RAC2: variants seen among roughly 807,000 people sequenced by gnomAD.
RAC2 encodes the protein Rac family small GTPase 2, also known as ras-related C3 botulinum toxin substrate 2.
A neutral mutation model predicts 24.0 loss-of-function variants in RAC2; 1 was observed. The observed-to-expected ratio is 0.04, with a 90% CI of 0.01 to 0.20. RAC2 has a LOEUF of 0.20. Among genes scored for constraint, RAC2 ranks in the 10% least tolerant of loss-of-function variants. RAC2 has a pLI of 1.00. For synonymous variants in RAC2, 114 were observed against 106.8 expected (o/e 1.07, Z -0.41); for missense variants, 130 against 259.1 (o/e 0.50, Z 3.42).
At chr22:37,237,754 G>C (rs1024156449) in intron 2 of RAC2, among the ~76,000 whole-genome samples, 8 of 152,156 alleles carry the variant, frequency 5.3e-5, no homozygotes, top group African/African-American at 1.9e-4. Context: ...ACAGGAATGG[G>C]CTCAGCTCTG....
chr22:37,240,269 C>T (rs564843622), intron 2 of RAC2, among the ~76,000 whole-genome samples: 7 of 152,330 alleles, frequency 4.6e-5, no homozygotes, highest in Non-Finnish European at 7.3e-5. Context: ...TGATCCCTGC[C>T]CCTGAAAGGG....
At chr22:37,242,804 G>A (rs1423160817) in intron 1 of RAC2, among the ~76,000 whole-genome samples, 1 of 152,238 alleles carries the variant, frequency 6.6e-6, no homozygotes, top group Non-Finnish European at 1.5e-5. Flanking sequence ...ATGGGTCACA[G>A]CCAAAGTCGG....
chr22:37,231,031 A>T lies in RAC2; in HGVS notation c.448+200T>A, dbSNP rs1345939022. ...ACCACCCCAGGAGGCAGGAGCTATC[A>T]CTATCCCATGCTTTTCTGATAAGGA... On this transcript the variant is annotated intron_variant, in intron 5 of 6. Transcript: ENST00000249071. This position sits in a 1 kb window ranked among gnomAD's most constrained non-coding sequence, Gnocchi z 5.5. Among the ~76,000 whole-genome samples, 1 of 152,166 alleles carries T rather than the reference A, an allele frequency of 6.6e-6. No homozygotes were observed. Among genetic ancestry groups the T allele is most frequent in the Non-Finnish European group, 1.5e-5 (1 of 68,030 alleles).
intron 5 of RAC2, among the ~76,000 whole-genome samples, chr22:37,228,705 C>T (rs538102675): frequency 7.2e-5 from 11 of 152,228 alleles, no homozygotes; most frequent in South Asian, 6.2e-4. Context: ...AGCCAAGGCC[C>T]GAAGGCACAG....
chr22:37,226,409 G>T (rs1926837196), intron 6 of RAC2, among the ~76,000 whole-genome samples: 1 of 152,034 alleles, frequency 6.6e-6, no homozygotes, highest in South Asian at 2.1e-4. Context: ...GCAGAGTGGG[G>T]CTCCGTGACA....
intron 6 of RAC2, among the ~76,000 whole-genome samples, chr22:37,226,261 C>G (rs1449204395): frequency 6.6e-6 from 1 of 152,002 alleles, no homozygotes; most frequent in Non-Finnish European, 1.5e-5. Context: ...ACTGACCCCA[C>G]CATCTGCCCC....
intron 2 of RAC2, among the ~76,000 whole-genome samples, chr22:37,239,723 C>CCAAGA (rs2145829951): frequency 6.6e-6 from 1 of 152,264 alleles, no homozygotes; most frequent in South Asian, 2.1e-4. Flanking sequence ...TTCAACTCAG[C>CCAAGA]CAAGATGCAC....
intron 6 of RAC2, 74 bp downstream of exon 6, chr22:37,226,597 A>G: frequency 1.3e-6 from 2 of 1,578,964 alleles, no homozygotes; most frequent in Non-Finnish European, 1.7e-6. Flanking sequence ...TGCCACTCAC[A>G]GTGAACCAAA....
Position 37,231,729 on chromosome 22 carries a change from A to C in RAC2, c.288+203T>G, listed in dbSNP as rs971740216. Among the ~76,000 whole-genome samples the C allele has an allele frequency of 2.0e-5, 3 of 151,940 alleles. No homozygotes were observed. The highest frequency in any genetic ancestry group is 7.3e-5 in the African/African-American group (3 of 41,352). On this transcript the variant is annotated intron_variant, in intron 4 of 6. Transcript: ENST00000249071. The surrounding 1 kb of genome is among the most constrained non-coding windows in gnomAD (Gnocchi z 5.5). ...ATGCAGCCATGGAAAGTGGGGGTAT[A>C]GCTAACTATCGCAGCACCCCCCACC... is the stretch of plus-strand genomic sequence containing the variant.
intron 3 of RAC2, 150 bp from the exon 4 acceptor site, chr22:37,232,144 C>A: frequency 2.6e-6 from 2 of 783,534 alleles, no homozygotes; most frequent in Non-Finnish European, 4.2e-6. Context: ...CAGAGATACC[C>A]TTCTCGCCTC....
chr22:37,236,284 A>G (rs184740207), intron 2 of RAC2, among the ~76,000 whole-genome samples: 3 of 152,326 alleles, frequency 2.0e-5, no homozygotes, highest in Non-Finnish European at 4.4e-5. Context: ...TCCCCAGAGG[A>G]CCAGAGGGAC....
chr22:37,241,702 C>T, intron 1 of RAC2, 44 bp from the exon 2 acceptor site: 2 of 1,561,306 alleles, frequency 1.3e-6, no homozygotes, highest in Non-Finnish European at 1.8e-6. Context: ...ATGGGCTCTG[C>T]CGGAGACGTG....
rs1926821092 is a variant in RAC2 at position 37,225,955 on chromosome 22, A to G, written c.*87T>C. ...CTAAGAAACGCCACAGGGAGGGGAC[A>G]GCATGGCCAGCCGGGGTGCCATCAG... On this transcript the variant is annotated 3_prime_UTR_variant, in exon 7 of 7. Transcript: ENST00000249071. 6.5e-6 allele frequency: 1 copy of G among 153,350 alleles called. No individual in the cohort carries two copies. The highest frequency in any genetic ancestry group is 1.5e-5 in the Non-Finnish European group (1 of 68,904). The allele number at this position is 153,350 out of a possible 1,614,324, so 9.5% of individuals were successfully genotyped here.
Position 37,231,446 on chromosome 22 carries a change from C to A in RAC2, c.289-56G>T. On this transcript the variant is annotated intron_variant, in intron 4 of 6. Coordinates refer to ENST00000249071, the MANE Select transcript of RAC2 (RefSeq NM_002872.5). This position sits in a 1 kb window ranked among gnomAD's most constrained non-coding sequence, Gnocchi z 5.5. ...GTATGGGTCAAGAGGGGGCGCGAGG[C>A]TGTGCGGGGATCAGAGGGAGTGTGA... The A allele has an allele frequency of 6.4e-7, 1 of 1,551,454 alleles. No individual in the cohort carries two copies. The highest frequency in any genetic ancestry group is 8.9e-7 in the Non-Finnish European group (1 of 1,127,592).
intron 2 of RAC2, 59 bp downstream of exon 2, chr22:37,241,527 GT>G: frequency 6.5e-7 from 1 of 1,533,912 alleles, no homozygotes; most frequent in Admixed American, 1.7e-5. Context: ...TGAAAGGGGG[GT>G]CGACTTGGTG....
chr22:37,240,817 A>G (rs895320378), intron 2 of RAC2: 7 of 570,246 alleles, frequency 1.2e-5, no homozygotes, highest in Non-Finnish European at 2.2e-5. Flanking sequence ...GGATGTGGGG[A>G]GAAAAAGCAC....
chr22:37,230,595 A>G (rs559001039), intron 5 of RAC2, among the ~76,000 whole-genome samples: 31 of 152,122 alleles, frequency 2.0e-4, no homozygotes, highest in Non-Finnish European at 3.7e-4. Flanking sequence ...CTTCCTTCAA[A>G]TCTGGCTGGG....
intron 3 of RAC2, 191 bp downstream of exon 3, chr22:37,232,610 C>CAAA (rs1927100818): frequency 6.5e-6 from 4 of 616,674 alleles, no homozygotes; most frequent in Non-Finnish European, 1.2e-5. Flanking sequence ...GACCGGGAAC[C>CAAA]AATGCAGGGC....
At chr22:37,232,236 A>T (rs1302274663) in intron 3 of RAC2, among the ~76,000 whole-genome samples, 1 of 152,208 alleles carries the variant, frequency 6.6e-6, no homozygotes, top group Non-Finnish European at 1.5e-5. Flanking sequence ...GTCACTCTGC[A>T]GCAAGCACTG....
Sources: allele counts gnomAD v4.1 joint callset (sites outside exome capture counted in the v4.1 genomes callset), GRCh38; gene constraint gnomAD v4.1.1; non-coding constraint Gnocchi (gnomAD v3.1); transcripts MANE v1.5; gene names NCBI Gene and HGNC (gene_info 2026-07-23, HGNC 2026-07-21).